Variants in SERPINC1 observed in about 807,000 individuals in gnomAD.
SERPINC1 encodes serpin family C member 1.
A neutral mutation model predicts 43.4 loss-of-function variants in SERPINC1; 12 were observed. The observed-to-expected ratio is 0.28, with a 90% CI of 0.18 to 0.45. The LOEUF is 0.45. Ranked by LOEUF, SERPINC1 falls within the 20% of genes least tolerant of loss-of-function variation. The pLI, the probability that SERPINC1 is intolerant of heterozygous loss-of-function variation, is 1.00. For missense variants in SERPINC1, 423 were observed against 578.8 expected (o/e 0.73, Z 2.76); for synonymous variants, 210 against 218.9 (o/e 0.96, Z 0.36).
At chr1:173,915,663 T>C (rs550291593) in intron 1 of SERPINC1, among the ~76,000 whole-genome samples, 2 of 152,284 alleles carry the variant, frequency 1.3e-5, no homozygotes, top group East Asian at 1.9e-4. Context: ...GGTGACAAAG[T>C]GAGACTGTGT....
chr1:173,904,799 C>T, intron 6 of SERPINC1, among the ~76,000 whole-genome samples: 1 of 152,088 alleles, frequency 6.6e-6, no homozygotes, highest in Non-Finnish European at 1.5e-5. Flanking sequence ...CCGCTATCTC[C>T]CCATATTACC....
intron 1 of SERPINC1, among the ~76,000 whole-genome samples, chr1:173,916,458 C>G (rs1657992793): frequency 6.6e-6 from 1 of 152,188 alleles, no homozygotes; most frequent in Admixed American, 6.5e-5. Flanking sequence ...AACAGAGGTG[C>G]AAAGCCGGAG....
chr1:173,908,716 A>G (rs1180534998), intron 5 of SERPINC1, among the ~76,000 whole-genome samples: 1 of 151,954 alleles, frequency 6.6e-6, no homozygotes, highest in African/African-American at 2.4e-5. Flanking sequence ...GTGCGTCACC[A>G]TGCCTGGCTA....
At chr1:173,907,371 A>G in intron 6 of SERPINC1, 79 bp downstream of exon 6, 1 of 1,143,564 alleles carries the variant, frequency 8.7e-7, no homozygotes, top group South Asian at 1.2e-5. Flanking sequence ...TTAACACTGG[A>G]AACAGGCCTT....
intron 1 of SERPINC1, 119 bp downstream of exon 1, chr1:173,917,096 TTGAC>T: frequency 1.2e-6 from 1 of 851,630 alleles, no homozygotes; most frequent in Non-Finnish European, 2.0e-6. Context: ...AAACAGGTCT[TTGAC>T]TGTAACTACC....
intron 2 of SERPINC1, among the ~76,000 whole-genome samples, chr1:173,914,117 G>C (rs1657888876): frequency 6.6e-6 from 1 of 151,610 alleles, no homozygotes; most frequent in Admixed American, 6.6e-5. Flanking sequence ...TTTTCCACGA[G>C]AGCCTATATG....
At chr1:173,912,324 G>A (rs1657803329) in intron 2 of SERPINC1, among the ~76,000 whole-genome samples, 1 of 152,324 alleles carries the variant, frequency 6.6e-6, no homozygotes, top group Non-Finnish European at 1.5e-5. Context: ...GGTGATTCTG[G>A]ACAGAGAAGA....
intron 6 of SERPINC1, among the ~76,000 whole-genome samples, chr1:173,905,682 C>T (rs1657471136): frequency 6.6e-6 from 1 of 151,958 alleles, no homozygotes; most frequent in Admixed American, 6.6e-5. Context: ...GATCATACCA[C>T]TGCATTCCAG....
At chr1:173,910,952 C>T (rs1657749428) in intron 3 of SERPINC1, 61 bp from the exon 4 acceptor site, 19 of 1,584,012 alleles carry the variant, frequency 1.2e-5, no homozygotes, top group Non-Finnish European at 1.6e-5. Context: ...CTCCATTTTC[C>T]CAGGCAGCAT....
At chr1:173,905,627 G>A (rs1053635931) in intron 6 of SERPINC1, among the ~76,000 whole-genome samples, 1 of 151,954 alleles carries the variant, frequency 6.6e-6, no homozygotes, top group African/African-American at 2.4e-5. Context: ...AGGCTGAGGC[G>A]AGAGGATCGC....
At chr1:173,913,231 A>C (rs1657845404) in intron 2 of SERPINC1, among the ~76,000 whole-genome samples, 3 of 152,240 alleles carry the variant, frequency 2.0e-5, no homozygotes, top group African/African-American at 7.2e-5. Context: ...ACTGTCATGC[A>C]GCCAAGCCAA....
chr1:173,906,303 C>T (rs1011045635), intron 6 of SERPINC1, among the ~76,000 whole-genome samples: 1 of 152,218 alleles, frequency 6.6e-6, no homozygotes, highest in Non-Finnish European at 1.5e-5. Flanking sequence ...AGGCTGTACA[C>T]GGCTATTACT....
In SERPINC1 at chr1:173,909,709, G is replaced by A. The variant is rs774262708; in HGVS notation, c.996C>T (p.Thr332=). 1 of 1,614,154 alleles carries A rather than the reference G, an allele frequency of 6.2e-7. No homozygotes were observed. Among genetic ancestry groups the A allele is most frequent in the Admixed American group, 1.7e-5 (1 of 60,028 alleles). Residue 332 remains threonine (T), a synonymous_variant, in exon 5 of 7, where the codon ACC becomes ACT. Transcript: ENST00000367698. ...CCAGCCACTCTTGCAGCACCTCTGG[G>A]GTGAGTTCCTTCTCTACCTTGGCCA... ...KSLAKVEKEL[T]PEVLQEWLDE...
chr1:173,914,416 G>A (rs1232618187), intron 2 of SERPINC1, 137 bp downstream of exon 2: 5 of 958,192 alleles, frequency 5.2e-6, no homozygotes, highest in Non-Finnish European at 6.6e-6. Flanking sequence ...ACACAGTGAT[G>A]TTCAAAGGGA....
chr1:173,910,988 C>T (rs1657750250), intron 3 of SERPINC1, 97 bp from the exon 4 acceptor site: 2 of 1,376,116 alleles, frequency 1.5e-6, no homozygotes, highest in Admixed American at 3.4e-5. Context: ...ATCCCTCTGT[C>T]CTTTCCCACC....
At chr1:173,915,388 A>G (rs113885078) in intron 1 of SERPINC1, among the ~76,000 whole-genome samples, 70 of 152,268 alleles carry the variant, frequency 4.6e-4, no homozygotes, top group Admixed American at 1.1e-3. Flanking sequence ...AGCAAAGGCA[A>G]TATCTGGCCG....
At chr1:173,907,590 G>GA in intron 5 of SERPINC1, 76 bp from the exon 6 acceptor site, 1 of 994,402 alleles carries the variant, frequency 1.0e-6, no homozygotes, top group Non-Finnish European at 1.6e-6. Context: ...ATTCAGTTTG[G>GA]ATTAAGAGAT....
At chr1:173,910,497 C>T (rs1557902635) in intron 4 of SERPINC1, among the ~76,000 whole-genome samples, 1 of 152,156 alleles carries the variant, frequency 6.6e-6, no homozygotes, top group East Asian at 1.9e-4. Flanking sequence ...AGGAGAATGC[C>T]GTGAACCCAG....
Position 173,914,625 on chromosome 1 carries a change from G to A in SERPINC1, c.336C>T (p.Pro112=). 6.2e-7 allele frequency: 1 copy of A among 1,614,184 alleles called. No homozygotes were observed. The highest frequency in any genetic ancestry group is 1.1e-5 in the South Asian group (1 of 91,084). ...KNDNDNIFLS[P]LSISTAFAMT... is the part of the protein sequence containing the mutation. ...TAGCAAAAGCCGTGGAGATACTCAGGGGTGACAGGAAAATGTTATCATTGT... is the reference window on the plus strand; with the variant it reads ...TAGCAAAAGCCGTGGAGATACTCAGAGGTGACAGGAAAATGTTATCATTGT... Residue 112 remains proline (P), a synonymous_variant, in exon 2 of 7, where the codon CCC becomes CCT. Coordinates refer to ENST00000367698, the MANE Select transcript of SERPINC1 (RefSeq NM_000488.4).
Sources: allele counts gnomAD v4.1 joint callset (sites outside exome capture counted in the v4.1 genomes callset), GRCh38; gene constraint gnomAD v4.1.1; transcripts MANE v1.5; gene names NCBI Gene and HGNC (gene_info 2026-07-23, HGNC 2026-07-21).